LINGO2: variants seen among roughly 807,000 people sequenced by gnomAD.
LINGO2 encodes leucine-rich repeat and immunoglobulin-like domain-containing nogo receptor-interacting protein 2.
A neutral mutation model predicts 30.6 loss-of-function variants in LINGO2; 14 were observed. The ratio of observed to expected loss-of-function variants is 0.46; its 90% CI spans 0.30 to 0.72. The LOEUF (loss-of-function observed/expected upper bound fraction) is 0.72. Ranked by LOEUF, LINGO2 falls within the 30% of genes least tolerant of loss-of-function variation. LINGO2 has a pLI of 0.07. For synonymous variants in LINGO2, 317 were observed against 288.5 expected, an observed-to-expected ratio of 1.10 and a Z score of -1.00; for missense variants, 729 against 751.7, an observed-to-expected ratio of 0.97 and a Z score of 0.35.
At chr9:28,430,849 G>T (rs1823639619) in intron 2 of LINGO2, among the ~76,000 whole-genome samples, 1 of 152,030 alleles carries the variant, frequency 6.6e-6, no homozygotes, top group Non-Finnish European at 1.5e-5. Flanking sequence ...GACTGGGGTT[G>T]CAGTGATTCT....
chr9:29,077,808 C>T, the LINGO2 span, among the ~76,000 whole-genome samples: 1 of 151,334 alleles, frequency 6.6e-6, no homozygotes, highest in Non-Finnish European at 1.5e-5. Context: ...ATCACAGGCA[C>T]ACAGAATTAT....
chr9:28,090,284 C>T (rs899341583), intron 4 of LINGO2, among the ~76,000 whole-genome samples: 2 of 152,156 alleles, frequency 1.3e-5, no homozygotes, highest in Non-Finnish European at 1.5e-5. Context: ...AGACCAATAT[C>T]CTTGATGAAC....
At chr9:28,565,776 G>T (rs1177152934) in intron 1 of LINGO2, among the ~76,000 whole-genome samples, 6 of 150,984 alleles carry the variant, frequency 4.0e-5, no homozygotes, top group African/African-American at 1.5e-4. Flanking sequence ...GGATGGTCTC[G>T]ATCTCCTGAC....
At chr9:29,197,781 C>T in the LINGO2 span, among the ~76,000 whole-genome samples, 1 of 152,040 alleles carries the variant, frequency 6.6e-6, no homozygotes, top group African/African-American at 2.4e-5. Flanking sequence ...AAGATTGATT[C>T]ACTGTTTAAG....
At chr9:28,953,841 A>G in the LINGO2 span, among the ~76,000 whole-genome samples, 6 of 152,146 alleles carry the variant, frequency 3.9e-5, no homozygotes, top group African/African-American at 1.4e-4. Context: ...AACTTTTCAT[A>G]TTATTATATT....
chr9:29,146,416 C>A, the LINGO2 span, among the ~76,000 whole-genome samples: 2 of 151,994 alleles, frequency 1.3e-5, no homozygotes, highest in Admixed American at 1.3e-4. Flanking sequence ...TTAATAATTA[C>A]CACTTAGGTT....
At chr9:28,701,397 T>C in the LINGO2 span, among the ~76,000 whole-genome samples, 1 of 152,120 alleles carries the variant, frequency 6.6e-6, no homozygotes, top group Admixed American at 6.6e-5. Flanking sequence ...GCAGTACCAT[T>C]TGATGAAGAG....
intron 3 of LINGO2, among the ~76,000 whole-genome samples, chr9:28,346,095 T>A (rs1819554691): frequency 6.6e-6 from 1 of 152,198 alleles, no homozygotes; most frequent in Admixed American, 6.5e-5. Context: ...CAGGGGTACA[T>A]GTGCAGGTTT....
At chr9:28,900,523 A>C in the LINGO2 span, among the ~76,000 whole-genome samples, 8 of 152,166 alleles carry the variant, frequency 5.3e-5, no homozygotes, top group Non-Finnish European at 1.0e-4. Context: ...CAGTTTACCC[A>C]GGCTCTAAGG....
chr9:29,044,084 T>C, the LINGO2 span, among the ~76,000 whole-genome samples: 1 of 152,060 alleles, frequency 6.6e-6, no homozygotes, highest in Non-Finnish European at 1.5e-5. Context: ...CTTTAATAGC[T>C]GACTTCAAAG....
intron 1 of LINGO2, among the ~76,000 whole-genome samples, chr9:28,663,226 A>G (rs951461210): frequency 6.6e-5 from 10 of 152,018 alleles, no homozygotes; most frequent in African/African-American, 2.2e-4. Flanking sequence ...GCTGGAGTGC[A>G]GTGGTGCCAT....
At chr9:29,106,549 T>A in the LINGO2 span, among the ~76,000 whole-genome samples, 1 of 152,134 alleles carries the variant, frequency 6.6e-6, no homozygotes, top group African/African-American at 2.4e-5. Flanking sequence ...CATTCTACCC[T>A]TGATTTCCTG....
intron 4 of LINGO2, among the ~76,000 whole-genome samples, chr9:28,049,030 GTT>G (rs1341078754): frequency 1.3e-5 from 2 of 150,996 alleles, no homozygotes; most frequent in African/African-American, 4.9e-5. Context: ...ATTCTTTGAA[GTT>G]TTCTTTCCAG....
chr9:28,240,440 C>T (rs548474460), intron 4 of LINGO2, among the ~76,000 whole-genome samples: 41 of 152,042 alleles, frequency 2.7e-4, no homozygotes, highest in African/African-American at 8.7e-4. Flanking sequence ...AAAAATATCC[C>T]GGACACATAG....
the LINGO2 span, among the ~76,000 whole-genome samples, chr9:29,018,617 A>G: frequency 1.3e-5 from 2 of 152,316 alleles, no homozygotes; most frequent in Middle Eastern, 3.4e-3. Context: ...CAGAAGATAG[A>G]GAGGCTTAGT....
chr9:29,123,911 T>C, the LINGO2 span, among the ~76,000 whole-genome samples: 1 of 152,092 alleles, frequency 6.6e-6, no homozygotes, highest in Non-Finnish European at 1.5e-5. Context: ...ATAGCCATTA[T>C]TTAAACAAAG....
intron 5 of LINGO2, among the ~76,000 whole-genome samples, chr9:27,986,587 G>A (rs1821134738): frequency 6.6e-6 from 1 of 151,856 alleles, no homozygotes; most frequent in African/African-American, 2.4e-5. Flanking sequence ...GCCTCTCACT[G>A]CTCTTGCACG....
chr9:28,956,490 T>C, the LINGO2 span, among the ~76,000 whole-genome samples: 1 of 152,112 alleles, frequency 6.6e-6, no homozygotes, highest in South Asian at 2.1e-4. Context: ...ACACTGGTAT[T>C]TCCCAGACTA....
the LINGO2 span, among the ~76,000 whole-genome samples, chr9:28,881,072 G>T: frequency 1.3e-5 from 2 of 152,224 alleles, no homozygotes; most frequent in East Asian, 1.9e-4. Context: ...GGCCGGTGCA[G>T]GTCTTTAGTA....
Sources: gnomAD v4.1 joint callset for allele counts (sites outside exome capture counted in the v4.1 genomes callset) on GRCh38, gnomAD v4.1.1 for gene constraint, MANE v1.5 for transcripts, NCBI Gene and HGNC (gene_info 2026-07-23, HGNC 2026-07-21) for gene names.